The following FAM90A20 variants were observed in gnomAD, a reference collection of about 807,000 sequenced individuals.
FAM90A20 encodes family with sequence similarity 90 member A20, also known as protein FAM90A20.
the FAM90A20 span, chr8:7,296,289 G>A: frequency 2.7e-6 from 2 of 730,298 alleles, no homozygotes; most frequent in Non-Finnish European, 2.5e-6. Flanking sequence ...TGTTCTGCAG[G>A]CAACAAGACC....
chr8:7,297,350 C>T, the FAM90A20 span: 12 of 1,411,416 alleles, frequency 8.5e-6, no homozygotes, highest in Admixed American at 1.9e-4. Flanking sequence ...CCGAGAAGTT[C>T]CCCAGGCTGC....
the FAM90A20 span, chr8:7,296,516 T>A: frequency 3.1e-6 from 2 of 639,328 alleles, no homozygotes; most frequent in East Asian, 3.0e-5. Context: ...CTTCTTGGGG[T>A]CAGGGCCTCC....
At chr8:7,297,253 C>G in the FAM90A20 span, 35 of 1,445,802 alleles carry the variant, frequency 2.4e-5, 2 homozygotes, top group South Asian at 3.4e-5. Flanking sequence ...GGGCTGCCGC[C>G]GACATCCCTC....
the FAM90A20 span, among the ~76,000 whole-genome samples, chr8:7,296,023 G>A: frequency 2.3e-5 from 3 of 129,276 alleles, 1 homozygote; most frequent in Non-Finnish European, 1.5e-5. Flanking sequence ...ATTCAGGGAC[G>A]GGGAGAGGCG....
At chr8:7,295,824 GAC>G in the FAM90A20 span, 3 of 918,892 alleles carry the variant, frequency 3.3e-6, no homozygotes, top group Non-Finnish European at 5.1e-6. Flanking sequence ...AAGGAAGAGA[GAC>G]CAAGGTGAGC....
At chr8:7,297,432 A>T in the FAM90A20 span, 1 of 1,556,550 alleles carries the variant, frequency 6.4e-7, no homozygotes. Flanking sequence ...GTGACCTCAC[A>T]GCCCTGCCCA....
At chr8:7,296,798 C>T in the FAM90A20 span, among the ~76,000 whole-genome samples, 4,002 of 135,902 alleles carry the variant, frequency 0.029, 1,220 homozygotes, top group African/African-American at 0.12. Flanking sequence ...TGAGTGGAGG[C>T]ACTTTGATCC....
chr8:7,297,221 G>A, the FAM90A20 span: 29 of 1,523,604 alleles, frequency 1.9e-5, 2 homozygotes, highest in Non-Finnish European at 2.5e-5. Context: ...CTCAAGTCTT[G>A]GACCAAAGGA....
chr8:7,296,996 G>A, the FAM90A20 span: 4 of 1,332,760 alleles, frequency 3.0e-6, no homozygotes, highest in Middle Eastern at 2.5e-4. Flanking sequence ...GTCTTTGGAT[G>A]TGTTTGATTT....
chr8:7,296,166 A>C, the FAM90A20 span: 1 of 636,892 alleles, frequency 1.6e-6, no homozygotes, highest in Non-Finnish European at 2.8e-6. Flanking sequence ...GCAGAGGCGG[A>C]AAGGGCACCA....
At chr8:7,296,947 G>T in the FAM90A20 span, 645 of 921,670 alleles carry the variant, frequency 7.0e-4, 55 homozygotes, top group South Asian at 9.2e-3. Context: ...AGGACCGCCT[G>T]TCGATACTGT....
chr8:7,297,164 G>C, the FAM90A20 span: 2 of 1,534,086 alleles, frequency 1.3e-6, no homozygotes, highest in South Asian at 1.1e-5. Context: ...CAGGGGCTCC[G>C]TCTTGGCTTC....
At chr8:7,295,655 T>G in the FAM90A20 span, 1 of 703,406 alleles carries the variant, frequency 1.4e-6, no homozygotes, top group Non-Finnish European at 2.5e-6. Flanking sequence ...CTGCGGGGCC[T>G]TTGGCCACAC....
At chr8:7,297,391 C>T in the FAM90A20 span, 2 of 1,525,914 alleles carry the variant, frequency 1.3e-6, 1 homozygote, top group Non-Finnish European at 1.8e-6. Flanking sequence ...TCCAGGCCGT[C>T]AGAACCCAGG....
the FAM90A20 span, chr8:7,296,986 G>T: frequency 1.6e-6 from 2 of 1,260,858 alleles, no homozygotes; most frequent in East Asian, 2.5e-5. Flanking sequence ...TGTGCACCTT[G>T]TCTTTGGATG....
At chr8:7,297,288 A>G in the FAM90A20 span, 59,131 of 1,354,672 alleles carry the variant, frequency 0.044, 5,449 homozygotes, top group Middle Eastern at 0.051. Flanking sequence ...CACCAGGTCC[A>G]CGAGACTCTC....
At chr8:7,296,561 G>C in the FAM90A20 span, among the ~76,000 whole-genome samples, 1 of 135,578 alleles carries the variant, frequency 7.4e-6, no homozygotes, top group Non-Finnish European at 1.5e-5. Context: ...TCCAGGCGAA[G>C]TCATCTGAAG....
the FAM90A20 span, chr8:7,297,350 C>A: frequency 2.5e-5 from 35 of 1,411,416 alleles, 9 homozygotes; most frequent in African/African-American, 4.4e-4. Flanking sequence ...CCGAGAAGTT[C>A]CCCAGGCTGC....
the FAM90A20 span, among the ~76,000 whole-genome samples, chr8:7,296,562 T>G: frequency 1.9e-3 from 254 of 133,946 alleles, 22 homozygotes; most frequent in South Asian, 0.011. Context: ...CCAGGCGAAG[T>G]CATCTGAAGA....
Sources: gnomAD v4.1 joint callset for allele counts (sites outside exome capture counted in the v4.1 genomes callset) on GRCh38, gnomAD v4.1.1 for gene constraint, MANE v1.5 for transcripts, NCBI Gene and HGNC (gene_info 2026-07-23, HGNC 2026-07-21) for gene names.